ANKRD11: variants seen among roughly 807,000 people sequenced by gnomAD.
ANKRD11 encodes ankyrin repeat domain 11, also known as ankyrin repeat domain-containing protein 11.
Under a neutral mutation model 195.7 loss-of-function variants are expected in ANKRD11, and 17 were observed. The ratio of observed to expected loss-of-function variants is 0.09; its 90% CI spans 0.06 to 0.13. The LOEUF is 0.13. ANKRD11 is among the 10% of genes least tolerant of loss of function. The pLI is 1.00. For synonymous variants in ANKRD11, 1,953 were observed against 1,528.1 expected (o/e 1.28, Z -6.49); for missense variants, 3,735 against 3,566.1 (o/e 1.05, Z -1.21).
At chr16:89,381,354 A>AAAAAAAAAG (rs1555560066) in intron 2 of ANKRD11, among the ~76,000 whole-genome samples, 136 of 125,320 alleles carry the variant, frequency 1.1e-3, no homozygotes, top group African/African-American at 4.2e-3. Flanking sequence ...AAAAAAAAAA[A>AAAAAAAAAG]GGGGTGAGAA....
At chr16:89,312,815 C>T (rs1277476944) in intron 3 of ANKRD11, among the ~76,000 whole-genome samples, 2 of 152,200 alleles carry the variant, frequency 1.3e-5, no homozygotes, top group East Asian at 1.9e-4. Context: ...GTGGGACACG[C>T]CGAGGCCCAG....
chr16:89,474,990 G>A (rs1009687486), intron 1 of ANKRD11, among the ~76,000 whole-genome samples: 2 of 152,322 alleles, frequency 1.3e-5, no homozygotes, highest in African/African-American at 4.8e-5. Context: ...GGCCACCCCT[G>A]CCCTCTCCTC....
Position 89,290,678 on chromosome 16 carries a change from C to T in ANKRD11, c.548G>A (p.Arg183His). 1 of 1,613,866 alleles carries T rather than the reference C, an allele frequency of 6.2e-7. No homozygotes were observed. The highest frequency in any genetic ancestry group is 1.3e-5 in the African/African-American group (1 of 75,054). The change falls in exon 6 of 13, where the codon CGC (arginine) becomes CAC (histidine). Residue 183 changes from arginine to histidine, a missense_variant. Coordinates refer to ENST00000301030, the MANE Select transcript of ANKRD11 (RefSeq NM_013275.6). ...HRAAIRGDAR[R>H]IKELISEGAD... ...CCCCTCGCTGATGAGCTCTTTGATG[C>T]GCCGGGCGTCCCCGCGGATGGCGGC...
intron 2 of ANKRD11, among the ~76,000 whole-genome samples, chr16:89,353,350 AAGAGAG>A (rs112221236): frequency 2.1e-4 from 32 of 149,556 alleles, no homozygotes; most frequent in East Asian, 5.9e-4. Flanking sequence ...TCCAAAAAAA[AAGAGAG>A]AGAGAGAGAG....
In ANKRD11 at chr16:89,305,284, C is replaced by T. The variant is rs1456405545; in HGVS notation, c.148G>A (p.Glu50Lys). The T allele has an allele frequency of 6.2e-7, 1 of 1,613,994 alleles. No homozygotes were observed. The highest frequency in any genetic ancestry group is 8.5e-7 in the Non-Finnish European group (1 of 1,179,914). ...PKLERGDGGK[E>K]VRERASKRKL... ...CGCTTGCTGGCTCGCTCCCTCACCTCCTTCCCGCCATCGCCACGCTCCAGT... is the reference window on the plus strand; with the variant it reads ...CGCTTGCTGGCTCGCTCCCTCACCTTCTTCCCGCCATCGCCACGCTCCAGT... The change falls in exon 4 of 13, where the codon GAG (glutamate) becomes AAG (lysine). Residue 50 changes from glutamate to lysine, a missense_variant. Glu to Lys is a moderately conservative substitution (Grantham distance 56). Coordinates refer to ENST00000301030, the MANE Select transcript of ANKRD11 (RefSeq NM_013275.6).
intron 2 of ANKRD11, among the ~76,000 whole-genome samples, chr16:89,330,714 G>A (rs1285629220): frequency 2.4e-5 from 3 of 127,564 alleles, no homozygotes; most frequent in East Asian, 2.6e-4. Context: ...TGTATCGGAA[G>A]TCCCACGGCT....
intron 1 of ANKRD11, chr16:89,459,336 A>G (rs1343067759): frequency 6.4e-6 from 1 of 156,858 alleles, no homozygotes; most frequent in Non-Finnish European, 1.4e-5. Context: ...TAACAAAAAC[A>G]ATTACTGACT....
At chr16:89,390,831 C>A in intron 2 of ANKRD11, among the ~76,000 whole-genome samples, 1 of 152,186 alleles carries the variant, frequency 6.6e-6, no homozygotes, top group Middle Eastern at 3.2e-3. Flanking sequence ...TCCCCACATG[C>A]CCTGCCCTCC....
chr16:89,428,369 CAA>C (rs915290239), intron 1 of ANKRD11, among the ~76,000 whole-genome samples: 4 of 151,286 alleles, frequency 2.6e-5, no homozygotes, highest in African/African-American at 4.9e-5. Flanking sequence ...ACTAAAAATA[CAA>C]AAAAATTAGC....
At position 89,349,134 on chromosome 16, in the gene ANKRD11, TAAAAAAAAAAAAA is replaced by T. The variant is rs59621400; in HGVS notation, c.-59-32069_-59-32057del. 2.1e-3 allele frequency among the ~76,000 whole-genome samples: 35 copies of T among 16,586 alleles called. 2 individuals carry two copies. In the South Asian group the frequency reaches 0.063, roughly 30 times the overall value. The allele number at this position is 16,586 out of a possible 152,430, so 10.9% of individuals were successfully genotyped here. On this transcript the variant is annotated intron_variant, in intron 2 of 12. Coordinates refer to ENST00000301030, the MANE Select transcript of ANKRD11 (RefSeq NM_013275.6). The stretch of plus-strand genomic sequence containing the variant: ...CAGAGTAAAACACTGTCTCAAAAAG[TAAAAAAAAAAAAA>T]AAAAAAAAAAAAAAGAATAATAATT...
At chr16:89,354,067 G>A (rs1385518583) in intron 2 of ANKRD11, among the ~76,000 whole-genome samples, 3 of 152,142 alleles carry the variant, frequency 2.0e-5, no homozygotes, top group African/African-American at 7.2e-5. Context: ...CTCGGGAGCT[G>A]CCCGCCCAAC....
intron 11 of ANKRD11, chr16:89,272,913 T>G (rs1345019335): frequency 2.0e-5 from 3 of 152,148 alleles, no homozygotes; most frequent in African/African-American, 7.2e-5. Flanking sequence ...AAACATCACA[T>G]GTTCTCTCTC....
Position 89,450,087 on chromosome 16 carries a change from G to T in ANKRD11, c.-144-31719C>A, listed in dbSNP as rs1275241084. Among the ~76,000 whole-genome samples the T allele has an allele frequency of 4.6e-5, 7 of 152,278 alleles. No individual in the cohort carries two copies. The South Asian group carries it at 1.4e-3, about 32-fold the overall frequency. On this transcript the variant is annotated intron_variant, in intron 1 of 12. Transcript: ENST00000301030. ...GACTTCAGGATTTGCAAACAATTGT[G>T]TTACTGAATGTGTCACACTCTGCTC... is the stretch of plus-strand genomic sequence containing the variant.
chr16:89,304,534 G>A (rs1004523517), intron 4 of ANKRD11, among the ~76,000 whole-genome samples: 3 of 148,352 alleles, frequency 2.0e-5, no homozygotes, highest in Non-Finnish European at 4.5e-5. Context: ...GCACACACAT[G>A]GGTACACACA....
At chr16:89,397,790 C>A (rs2041510859) in intron 2 of ANKRD11, among the ~76,000 whole-genome samples, 1 of 152,198 alleles carries the variant, frequency 6.6e-6, no homozygotes, top group African/African-American at 2.4e-5. Flanking sequence ...TGGAGTGGAG[C>A]CCTTGGCAGC....
At chr16:89,289,195 C>T (rs956283776) in intron 6 of ANKRD11, among the ~76,000 whole-genome samples, 5 of 152,040 alleles carry the variant, frequency 3.3e-5, no homozygotes, top group Non-Finnish European at 4.4e-5. Flanking sequence ...CACCATCGGA[C>T]GGTGTGGCCG....
intron 3 of ANKRD11, chr16:89,313,278 T>C (rs1183735547): frequency 7.8e-7 from 1 of 1,276,828 alleles, no homozygotes. Flanking sequence ...AGGGGACCCA[T>C]GGGGTGGGGA....
chr16:89,308,279 TAAAGA>T (rs1039364852), intron 3 of ANKRD11, among the ~76,000 whole-genome samples: 17 of 151,740 alleles, frequency 1.1e-4, no homozygotes, highest in African/African-American at 3.4e-4. Context: ...ATTAAGAAAA[TAAAGA>T]AAAGAAAACC....
intron 1 of ANKRD11, among the ~76,000 whole-genome samples, chr16:89,434,536 C>G (rs2043131886): frequency 1.3e-5 from 2 of 152,222 alleles, no homozygotes; most frequent in African/African-American, 4.8e-5. Context: ...TGAGCCCCAC[C>G]TGTCACAGTA....
Sources: allele counts gnomAD v4.1 joint callset (sites outside exome capture counted in the v4.1 genomes callset), GRCh38; gene constraint gnomAD v4.1.1; transcripts MANE v1.5; gene names NCBI Gene and HGNC (gene_info 2026-07-23, HGNC 2026-07-21).